Variants in RPS6KC1 observed in about 807,000 individuals in gnomAD.
RPS6KC1 encodes inactive ribosomal protein S6 kinase delta-1.
Under a neutral mutation model 103.8 loss-of-function variants are expected in RPS6KC1, and 54 were observed. The observed-to-expected ratio is 0.52, with a 90% confidence interval of 0.42 to 0.65. RPS6KC1 has a LOEUF of 0.65. Among genes scored for constraint, RPS6KC1 ranks in the 30% least tolerant of loss-of-function variants. The probability of loss-of-function intolerance (pLI) is 0.00; values close to 1 mark genes in which losing one functional copy is unlikely to be tolerated. For missense variants in RPS6KC1, 1,151 were observed against 1,253.8 expected (o/e 0.92, Z 1.24); for synonymous variants, 439 against 438.7 (o/e 1.00, Z -0.01).
chr1:213,503,338 G>T, the RPS6KC1 span, among the ~76,000 whole-genome samples: 1 of 152,106 alleles, frequency 6.6e-6, no homozygotes, highest in Admixed American at 6.5e-5. Flanking sequence ...AGAGATAGCC[G>T]ATAACTTGTG....
the RPS6KC1 span, among the ~76,000 whole-genome samples, chr1:213,687,551 T>C: frequency 6.6e-6 from 1 of 152,148 alleles, no homozygotes; most frequent in Non-Finnish European, 1.5e-5. Flanking sequence ...AGGTTAGGGA[T>C]TGAATTCTAT....
chr1:213,721,485 C>T, the RPS6KC1 span, among the ~76,000 whole-genome samples: 1 of 152,180 alleles, frequency 6.6e-6, no homozygotes, highest in Non-Finnish European at 1.5e-5. Context: ...CCATGTAGGA[C>T]GTGTCTTTTG....
chr1:213,307,294 G>T, the RPS6KC1 span, among the ~76,000 whole-genome samples: 1 of 151,892 alleles, frequency 6.6e-6, no homozygotes, highest in African/African-American at 2.4e-5. Context: ...CTGATGATCC[G>T]CCCGCCTCGG....
At chr1:213,323,019 C>T in the RPS6KC1 span, among the ~76,000 whole-genome samples, 1 of 150,888 alleles carries the variant, frequency 6.6e-6, no homozygotes, top group Non-Finnish European at 1.5e-5. Context: ...CCGCCTCGGC[C>T]TCCCAAAGTG....
chr1:213,054,221 G>T (rs1023737972), intron 1 of RPS6KC1, among the ~76,000 whole-genome samples: 1 of 152,158 alleles, frequency 6.6e-6, no homozygotes, highest in African/African-American at 2.4e-5. Flanking sequence ...GTAGCACATT[G>T]CCTTAGAACT....
At chr1:213,271,959 T>C (rs1038980227) in intron 14 of RPS6KC1, among the ~76,000 whole-genome samples, 2 of 152,142 alleles carry the variant, frequency 1.3e-5, no homozygotes, top group African/African-American at 4.8e-5. Flanking sequence ...TTACACATGA[T>C]TCCTATTTCT....
At chr1:213,069,187 A>C (rs58619689) in intron 1 of RPS6KC1, among the ~76,000 whole-genome samples, 7,237 of 152,242 alleles carry the variant, frequency 0.048, 575 homozygotes, top group African/African-American at 0.17. Flanking sequence ...AACACTGCAA[A>C]TAGAGAACCT....
chr1:213,701,962 A>G, the RPS6KC1 span, among the ~76,000 whole-genome samples: 1 of 151,272 alleles, frequency 6.6e-6, no homozygotes, highest in East Asian at 1.9e-4. Context: ...CTAATTTTGG[A>G]TTTGGTTTGC....
At chr1:213,451,547 C>A in the RPS6KC1 span, among the ~76,000 whole-genome samples, 1 of 152,210 alleles carries the variant, frequency 6.6e-6, no homozygotes, top group Non-Finnish European at 1.5e-5. Flanking sequence ...GGCTCCCACA[C>A]AGTGGGTGTG....
chr1:213,566,242 A>G, the RPS6KC1 span, among the ~76,000 whole-genome samples: 1 of 152,110 alleles, frequency 6.6e-6, no homozygotes, highest in East Asian at 1.9e-4. Context: ...AATTTAGGGG[A>G]AAATGGACTG....
the RPS6KC1 span, among the ~76,000 whole-genome samples, chr1:213,669,599 T>C: frequency 0.11 from 17,205 of 152,130 alleles, 1,076 homozygotes; most frequent in Non-Finnish European, 0.14. Context: ...ATGGCACCGA[T>C]AGACTTGTTT....
chr1:213,407,106 G>A, the RPS6KC1 span, among the ~76,000 whole-genome samples: 1 of 152,088 alleles, frequency 6.6e-6, no homozygotes, highest in Non-Finnish European at 1.5e-5. Context: ...TCCTACAGGT[G>A]GACTCACTCT....
At chr1:213,290,123 C>G in the RPS6KC1 span, among the ~76,000 whole-genome samples, 1 of 111,816 alleles carries the variant, frequency 8.9e-6, no homozygotes, top group Non-Finnish European at 1.7e-5. Flanking sequence ...CCGGCCTGGG[C>G]TAAACAGCGG....
At chr1:213,810,460 G>A in the RPS6KC1 span, among the ~76,000 whole-genome samples, 9 of 152,272 alleles carry the variant, frequency 5.9e-5, no homozygotes, top group South Asian at 6.2e-4. Context: ...GAGCTTGGCC[G>A]AATTGGAAGA....
intron 14 of RPS6KC1, among the ~76,000 whole-genome samples, chr1:213,270,576 G>A (rs1399000679): frequency 1.3e-5 from 2 of 150,166 alleles, no homozygotes; most frequent in Non-Finnish European, 3.0e-5. Context: ...AGAAGTTTGA[G>A]ACTAGCCTTG....
the RPS6KC1 span, among the ~76,000 whole-genome samples, chr1:213,516,426 A>T: frequency 6.6e-6 from 1 of 151,986 alleles, no homozygotes; most frequent in Non-Finnish European, 1.5e-5. Context: ...TTTATTGAGA[A>T]TTTTTAGCAT....
chr1:213,202,797 C>T (rs2093213035), intron 8 of RPS6KC1, among the ~76,000 whole-genome samples: 1 of 151,876 alleles, frequency 6.6e-6, no homozygotes, highest in African/African-American at 2.4e-5. Flanking sequence ...TTTTAAAAGA[C>T]AAAAATATTT....
intron 6 of RPS6KC1, among the ~76,000 whole-genome samples, chr1:213,154,311 G>A (rs923056715): frequency 3.3e-5 from 5 of 152,226 alleles, no homozygotes; most frequent in African/African-American, 7.2e-5. Context: ...AGGCAGCAAA[G>A]CCAGCCAGGC....
At chr1:213,726,547 C>T in the RPS6KC1 span, among the ~76,000 whole-genome samples, 56 of 152,280 alleles carry the variant, frequency 3.7e-4, no homozygotes, top group East Asian at 4.0e-3. Flanking sequence ...CTATGTCTCA[C>T]CTGTGGGGAA....
Sources: gnomAD v4.1 joint callset for allele counts (sites outside exome capture counted in the v4.1 genomes callset) on GRCh38, gnomAD v4.1.1 for gene constraint, MANE v1.5 for transcripts, NCBI Gene and HGNC (gene_info 2026-07-23, HGNC 2026-07-21) for gene names.